The following RPE variants were observed in gnomAD, a reference collection of about 807,000 sequenced individuals.
RPE encodes ribulose-phosphate 3-epimerase.
Under a neutral mutation model 24.6 loss-of-function variants are expected in RPE, and 16 were observed. The observed-to-expected ratio is 0.65, with a 90% confidence interval of 0.44 to 0.99. The LOEUF is 0.99. Ranked by LOEUF, RPE falls within the 50% of genes least tolerant of loss-of-function variation. The pLI is 0.00. For synonymous variants in RPE, 93 were observed against 98.4 expected (o/e 0.94, Z 0.33); for missense variants, 240 against 294.5 (o/e 0.81, Z 1.35).
At chr2:210,014,628 TA>T (rs879272204) in intron 2 of RPE, among the ~76,000 whole-genome samples, 184 of 142,584 alleles carry the variant, frequency 1.3e-3, no homozygotes, top group Middle Eastern at 3.6e-3. Context: ...TCATCTCTAT[TA>T]AAAAAAAAAA....
In RPE at chr2:210,002,686, C is replaced by T. The variant is rs755056945; in HGVS notation, c.25C>T (p.Pro9Ser). Residue 9 changes from proline to serine, a missense_variant, in exon 1 of 6, where the codon CCG becomes TCG. Coordinates refer to ENST00000359429, the MANE Select transcript of RPE (RefSeq NM_199229.3). ...TATGGCGTCGGGCTGCAAGATTGGC[C>T]CGTCCATCCTCAACAGCGACCTGGC... Reference protein sequence around the residue: MASGCKIGPSILNSDLANL... With the variant: MASGCKIGSSILNSDLANL... 1.4e-5 allele frequency: 22 copies of T among 1,613,870 alleles called. No homozygotes were observed. In the Admixed American group the frequency reaches 2.2e-4, roughly 16 times the overall value.
intron 5 of RPE, chr2:210,017,812 T>G: frequency 1.7e-6 from 1 of 601,980 alleles, no homozygotes. Flanking sequence ...TGGCGTGATC[T>G]CTGCTCACTG....
At chr2:210,008,871 T>G (rs1256470552) in intron 1 of RPE, among the ~76,000 whole-genome samples, 1 of 152,080 alleles carries the variant, frequency 6.6e-6, no homozygotes, top group Non-Finnish European at 1.5e-5. Flanking sequence ...AATTTTTGTA[T>G]TTTTAGTAGA....
At position 210,015,976 on chromosome 2, in the gene RPE, T is replaced by C. The variant is rs2093765595; in HGVS notation, c.206T>C (p.Met69Thr). The part of the protein sequence containing the change: ...KQLGQDPFFD[M>T]HMMVSKPEQW... Reference sequence around the variant, plus strand: ...TTGAAGTGTCTTTTCTTTCTAGACATGCACATGATGGTGTCCAAGCCAGAA... The same window carrying C: ...TTGAAGTGTCTTTTCTTTCTAGACACGCACATGATGGTGTCCAAGCCAGAA... The change falls in exon 3 of 6, where the codon ATG becomes ACG. Residue 69 changes from methionine (M) to threonine (T), a missense_variant. Met to Thr is a moderately conservative substitution (Grantham distance 81). Transcript: ENST00000359429. 2.5e-6 allele frequency: 4 copies of C among 1,613,664 alleles called. No individual in the cohort carries two copies. In the South Asian group the frequency reaches 3.3e-5, roughly 13 times the overall value.
chr2:210,014,025 G>C (rs1302625472), intron 2 of RPE, among the ~76,000 whole-genome samples: 2 of 152,176 alleles, frequency 1.3e-5, no homozygotes, highest in Non-Finnish European at 2.9e-5. Flanking sequence ...CTGGATGCTA[G>C]AGGTTGAGTA....
Position 210,020,625 on chromosome 2 carries a change from G to A in RPE, c.*834G>A, listed in dbSNP as rs1402148476. On this transcript the variant is annotated 3_prime_UTR_variant, in exon 6 of 6. Coordinates refer to ENST00000359429, the MANE Select transcript of RPE (RefSeq NM_199229.3). ...ACTGTGGGGTTCTGTTGAGAATTAA[G>A]AGCTAACACTATATATGTAAAGTTT... is the stretch of plus-strand genomic sequence containing the variant. The A allele has an allele frequency of 6.0e-6, 1 of 166,756 alleles. No homozygotes were observed. 10.3% of individuals were successfully genotyped at this position (166,756 alleles called of 1,614,324 possible).
intron 4 of RPE, 140 bp from the exon 5 acceptor site, chr2:210,017,324 TGTTGTATTG>T (rs1182735133): frequency 1.6e-6 from 1 of 630,504 alleles, no homozygotes; most frequent in African/African-American, 1.8e-5. Context: ...CCCAGTAATA[TGTTGTATTG>T]GTATAGTTAT....
rs370650771 is a variant in RPE, at chr2:210,018,289, C to T, written c.564+730C>T. 35 of 1,480,114 alleles carry T rather than the reference C, an allele frequency of 2.4e-5. No homozygotes were observed. The African/African-American group carries it at 3.1e-4, about 13-fold the overall frequency. 91.7% of individuals were successfully genotyped at this position (1,480,114 alleles called of 1,614,324 possible). ...TTATTACATTATTCTTTAGAACCTA[C>T]ATATTATTTAGTTGTTCCTTGTAAG... On this transcript the variant is annotated intron_variant, in intron 5 of 5. Transcript: ENST00000359429.
At chr2:210,003,425 A>G (rs970319234) in intron 1 of RPE, 39 of 1,284,512 alleles carry the variant, frequency 3.0e-5, no homozygotes, top group East Asian at 5.6e-5. Flanking sequence ...TTTCCTGTCT[A>G]TTTTCTCTTC....
chr2:210,009,568 T>A (rs1575303358), intron 1 of RPE, 89 bp from the exon 2 acceptor site: 8 of 1,502,180 alleles, frequency 5.3e-6, no homozygotes, highest in Middle Eastern at 1.7e-4. Flanking sequence ...TTGCAGACAA[T>A]CCCCTCAACC....
In RPE at chr2:210,018,135, G is replaced by T. The variant is rs1231746256; in HGVS notation, c.564+576G>T. 8 of 1,518,530 alleles carry T rather than the reference G, an allele frequency of 5.3e-6. No individual in the cohort carries two copies. The Admixed American group carries it at 8.7e-5, about 16-fold the overall frequency. 94.1% of individuals were successfully genotyped at this position (1,518,530 alleles called of 1,614,324 possible). Reference sequence around the variant, plus strand: ...CTGAAGAAAGTTCTTTTTTATAAAAGAATATGTTGAATTTCAGCCCTTTGG... The same window carrying T: ...CTGAAGAAAGTTCTTTTTTATAAAATAATATGTTGAATTTCAGCCCTTTGG... On this transcript the variant is annotated intron_variant, in intron 5 of 5. Coordinates refer to ENST00000359429, the MANE Select transcript of RPE (RefSeq NM_199229.3).
chr2:210,014,091 T>G lies in RPE; in HGVS notation c.203-1882T>G, dbSNP rs557825037. Among the ~76,000 whole-genome samples the G allele has an allele frequency of 3.1e-3, 463 of 151,102 alleles. 2 individuals carry two copies. Among genetic ancestry groups the G allele is most frequent in the Non-Finnish European group, 5.3e-3 (360 of 67,944 alleles). Reference sequence around the variant, plus strand: ...AAGGAATGAATAGAGTAGGTTTTTTTGTTTTTTGTTTTTTTTTTGAGATGG... The same window carrying G: ...AAGGAATGAATAGAGTAGGTTTTTTGGTTTTTTGTTTTTTTTTTGAGATGG... On this transcript the variant is annotated intron_variant, in intron 2 of 5. Transcript: ENST00000359429.
Position 210,020,794 on chromosome 2 carries a change from A to G in RPE, c.*1003A>G, listed in dbSNP as rs1318018851. The G allele has an allele frequency of 6.4e-6, 1 of 157,238 alleles. No individual in the cohort carries two copies. Among genetic ancestry groups the G allele is most frequent in the Admixed American group, 6.5e-5 (1 of 15,280 alleles). The allele number at this position is 157,238 out of a possible 1,614,324, so 9.7% of individuals were successfully genotyped here. ...CTCTATAAGTAAGTGGTAATAATAA[A>G]GCAGATATTTTTGTCCCCATTTAAA... On this transcript the variant is annotated 3_prime_UTR_variant, in exon 6 of 6. Transcript: ENST00000359429.
Position 210,009,681 on chromosome 2 carries a change from T to C in RPE, c.147T>C (p.Phe49=). 6.2e-7 allele frequency: 1 copy of C among 1,614,162 alleles called. No individual in the cohort carries two copies. Among genetic ancestry groups the C allele is most frequent in the Non-Finnish European group, 8.5e-7 (1 of 1,180,010 alleles). The change falls in exon 2 of 6, where the codon TTT becomes TTC. Residue 49 remains phenylalanine, a synonymous_variant. Coordinates refer to ENST00000359429, the MANE Select transcript of RPE (RefSeq NM_199229.3). ...GGCATTTTGTTCCCAACATCACCTTTGGTCACCCTGTGGTAGAAAGCCTTC... is the reference window on the plus strand; with the variant it reads ...GGCATTTTGTTCCCAACATCACCTTCGGTCACCCTGTGGTAGAAAGCCTTC... ...MDGHFVPNIT[F]GHPVVESLRK...
rs192872571 is a variant in RPE, at chr2:210,019,655, T to C, written c.565-14T>C. On this transcript the variant is annotated splice_polypyrimidine_tract_variant and intron_variant, in intron 5 of 5. Coordinates refer to ENST00000359429, the MANE Select transcript of RPE (RefSeq NM_199229.3). ...TTTCCTTTGAGGCATAACCTAACTG[T>C]TTACTTCTTCCAGGCAGGAGCTAAC... 54 of 1,611,684 alleles carry C rather than the reference T, an allele frequency of 3.4e-5. No homozygotes were observed. The East Asian group carries it at 1.2e-3, about 35-fold the overall frequency.
intron 2 of RPE, 111 bp downstream of exon 2, chr2:210,009,847 A>G (rs965788707): frequency 1.4e-6 from 2 of 1,434,266 alleles, no homozygotes; most frequent in African/African-American, 1.4e-5. Flanking sequence ...CAACTTTCCT[A>G]TCCTGGGTCT....
chr2:210,009,886 A>G (rs2093678495), intron 2 of RPE, 150 bp downstream of exon 2: 2 of 1,008,142 alleles, frequency 2.0e-6, no homozygotes, highest in South Asian at 1.4e-5. Flanking sequence ...TAACAAGCCA[A>G]ACTTCTTCCT....
At chr2:210,007,091 CT>C (rs1259734996) in intron 1 of RPE, among the ~76,000 whole-genome samples, 1 of 152,210 alleles carries the variant, frequency 6.6e-6, no homozygotes, top group Non-Finnish European at 1.5e-5. Context: ...CCAGCACTTA[CT>C]GGTTGTGTGA....
chr2:210,009,825 G>T lies in RPE; in HGVS notation c.202+89G>T, dbSNP rs118173340. ...TGATTTTAACTTCCAAGTTCATCTG[G>T]CACCCTTTCCCCAACTTTCCTATCC... On this transcript the variant is annotated intron_variant, in intron 2 of 5. Transcript: ENST00000359429. The T allele has an allele frequency of 4.3e-4, 678 of 1,563,214 alleles. 6 individuals are homozygous for T. The East Asian group carries it at 0.014, about 32-fold the overall frequency.
Sources: allele counts gnomAD v4.1 joint callset (sites outside exome capture counted in the v4.1 genomes callset), GRCh38; gene constraint gnomAD v4.1.1; transcripts MANE v1.5; gene names NCBI Gene and HGNC (gene_info 2026-07-23, HGNC 2026-07-21).